Variants in CUL5 observed in about 807,000 individuals in gnomAD.
CUL5 encodes the protein cullin 5.
Under a neutral mutation model 108.8 loss-of-function variants are expected in CUL5, and 26 were observed. The ratio of observed to expected loss-of-function variants is 0.24; its 90% CI spans 0.18 to 0.33. CUL5 has a LOEUF of 0.33. Ranked by LOEUF, CUL5 falls within the 10% of genes least tolerant of loss-of-function variation. CUL5 has a pLI of 1.00. For synonymous variants in CUL5, 334 were observed against 298.0 expected (o/e 1.12, Z -1.25); for missense variants, 524 against 909.2 (o/e 0.58, Z 5.45).
intron 10 of CUL5, among the ~76,000 whole-genome samples, chr11:108,074,845 A>G (rs1369277037): frequency 6.6e-6 from 1 of 152,142 alleles, no homozygotes; most frequent in African/African-American, 2.4e-5. Context: ...ATAAGTAGGT[A>G]AAGTAGGAAA....
intron 4 of CUL5, among the ~76,000 whole-genome samples, chr11:108,050,323 CCTT>C (rs1863180704): frequency 6.6e-6 from 1 of 151,720 alleles, no homozygotes; most frequent in Non-Finnish European, 1.5e-5. Context: ...TTTACTTTCT[CCTT>C]CTCCTGGTAT....
At chr11:108,075,997 A>G (rs112841454) in intron 10 of CUL5, among the ~76,000 whole-genome samples, 1,682 of 152,142 alleles carry the variant, frequency 0.011, 29 homozygotes, top group African/African-American at 0.038. Flanking sequence ...GCATGAATCC[A>G]ATATACAGTA....
intron 10 of CUL5, among the ~76,000 whole-genome samples, chr11:108,077,059 T>C (rs999403273): frequency 4.6e-5 from 7 of 152,140 alleles, no homozygotes; most frequent in African/African-American, 1.4e-4. Context: ...ATATAAGTGG[T>C]TTTTAAAGCA....
chr11:108,043,393 C>T (rs1235267352), intron 2 of CUL5, among the ~76,000 whole-genome samples: 3 of 152,118 alleles, frequency 2.0e-5, no homozygotes, highest in African/African-American at 2.4e-5. Flanking sequence ...CTTTTAGACT[C>T]TAGATTCTTT....
chr11:108,076,995 TCTGGAGCTTAAGA>T, intron 10 of CUL5, among the ~76,000 whole-genome samples: 1 of 152,190 alleles, frequency 6.6e-6, no homozygotes, highest in Non-Finnish European at 1.5e-5. Flanking sequence ...TAATGTTGAG[TCTGGAGCTTAAGA>T]GAAAGAATGG....
At position 108,008,950 on chromosome 11, in the gene CUL5, G is replaced by A. The variant is rs1427349297; in HGVS notation, c.-399G>A. ...CGTGGCCGCGGAACCTGAGCTGCGG[G>A]GCCTAAGCCGAGCTAAATTCGTTGC... is the stretch of plus-strand genomic sequence containing the variant. On this transcript the variant is annotated 5_prime_UTR_variant, in exon 1 of 19. Coordinates refer to ENST00000393094, the MANE Select transcript of CUL5 (RefSeq NM_003478.6). The A allele has an allele frequency of 1.0e-5, 2 of 196,918 alleles. No individual in the cohort carries two copies. Among genetic ancestry groups the A allele is most frequent in the Non-Finnish European group, 2.1e-5 (2 of 96,264 alleles). 12.2% of individuals were successfully genotyped at this position (196,918 alleles called of 1,614,324 possible).
At chr11:108,038,608 G>C (rs1229044318) in intron 2 of CUL5, among the ~76,000 whole-genome samples, 1 of 151,336 alleles carries the variant, frequency 6.6e-6, no homozygotes, top group African/African-American at 2.4e-5. Context: ...CCGGCAGGCA[G>C]AGGTTGCAGT....
chr11:108,076,099 A>G (rs1288874675), intron 10 of CUL5, among the ~76,000 whole-genome samples: 2 of 152,062 alleles, frequency 1.3e-5, no homozygotes, highest in East Asian at 1.9e-4. Flanking sequence ...GTGGCACAAC[A>G]TGGCTCACTG....
At chr11:108,101,924 C>CAAT (rs1864681602) in intron 18 of CUL5, among the ~76,000 whole-genome samples, 2 of 152,194 alleles carry the variant, frequency 1.3e-5, no homozygotes, top group African/African-American at 2.4e-5. Flanking sequence ...ACATAAACCC[C>CAAT]AATTTATGAT....
intron 1 of CUL5, among the ~76,000 whole-genome samples, chr11:108,030,077 T>A (rs1465870394): frequency 1.3e-5 from 2 of 152,104 alleles, no homozygotes; most frequent in African/African-American, 4.8e-5. Context: ...TAGGGAAGAA[T>A]AAAAGAAGAA....
intron 11 of CUL5, among the ~76,000 whole-genome samples, chr11:108,087,147 TTA>T (rs1170315901): frequency 1.3e-4 from 20 of 152,182 alleles, no homozygotes; most frequent in Non-Finnish European, 1.5e-5. Context: ...TCTCATCTAC[TTA>T]TTTATGTGAA....
chr11:108,072,938 C>G (rs538132184), intron 9 of CUL5, among the ~76,000 whole-genome samples: 444 of 152,192 alleles, frequency 2.9e-3, no homozygotes, highest in Non-Finnish European at 4.6e-3. Context: ...CAAGGTGGCT[C>G]ACGCCTGTAA....
intron 1 of CUL5, among the ~76,000 whole-genome samples, chr11:108,030,908 A>G (rs572979096): frequency 3.3e-4 from 51 of 152,280 alleles, no homozygotes; most frequent in African/African-American, 1.2e-3. Context: ...AGGAATCTGT[A>G]TGTGTAATCA....
At chr11:108,048,084 A>G (rs1591296959) in intron 3 of CUL5, among the ~76,000 whole-genome samples, 1 of 151,880 alleles carries the variant, frequency 6.6e-6, no homozygotes, top group East Asian at 1.9e-4. Context: ...TCTTAAAAAG[A>G]CCCATCTTAA....
Position 108,052,765 on chromosome 11 carries a change from G to A in CUL5, c.517G>A (p.Asp173Asn), listed in dbSNP as rs1275431440. Reference protein sequence around the residue: ...VHAERLGEAFDSQLVIGVRES... With the variant: ...VHAERLGEAFNSQLVIGVRES... Reference sequence around the variant, plus strand: ...TGCTGAGAGATTGGGAGAAGCTTTTGATTCTCAGCTGGTTATTGGAGTAAG... The same window carrying A: ...TGCTGAGAGATTGGGAGAAGCTTTTAATTCTCAGCTGGTTATTGGAGTAAG... The change falls in exon 5 of 19, where the codon GAT becomes AAT. Residue 173 changes from aspartate to asparagine, a missense_variant. Asp to Asn is a conservative substitution (Grantham distance 23, BLOSUM62 1). Transcript: ENST00000393094. 1 of 1,613,552 alleles carries A rather than the reference G, an allele frequency of 6.2e-7. No homozygotes were observed. The highest frequency in any genetic ancestry group is 1.3e-5 in the African/African-American group (1 of 74,908).
intron 7 of CUL5, among the ~76,000 whole-genome samples, chr11:108,059,300 A>G (rs984611273): frequency 1.3e-5 from 2 of 152,200 alleles, no homozygotes; most frequent in Non-Finnish European, 2.9e-5. Context: ...TGTGTCAGGC[A>G]TTATGCTAGT....
intron 7 of CUL5, among the ~76,000 whole-genome samples, chr11:108,061,983 A>G (rs1012281090): frequency 9.9e-5 from 15 of 152,140 alleles, no homozygotes; most frequent in Admixed American, 3.3e-4. Flanking sequence ...CAAGAACAGC[A>G]TGGGGGAAAC....
intron 2 of CUL5, among the ~76,000 whole-genome samples, chr11:108,039,926 G>A (rs72996483): frequency 0.058 from 8,891 of 152,136 alleles, 382 homozygotes; most frequent in Non-Finnish European, 0.079. Context: ...TTAGTTAGAA[G>A]CATGTGATTG....
intron 1 of CUL5, among the ~76,000 whole-genome samples, chr11:108,011,207 G>A (rs1173118311): frequency 1.3e-5 from 2 of 152,180 alleles, no homozygotes; most frequent in African/African-American, 2.4e-5. Context: ...GTAAGTCACT[G>A]TTCTACTTAC....
Sources: gnomAD v4.1 joint callset for allele counts (sites outside exome capture counted in the v4.1 genomes callset) on GRCh38, gnomAD v4.1.1 for gene constraint, MANE v1.5 for transcripts, NCBI Gene and HGNC (gene_info 2026-07-23, HGNC 2026-07-21) for gene names.